KCNMA1: variants seen among roughly 807,000 people sequenced by gnomAD.
KCNMA1 encodes the protein potassium calcium-activated channel subfamily M alpha 1.
A neutral mutation model predicts 140.0 loss-of-function variants in KCNMA1; 29 were observed. The observed-to-expected ratio is 0.21, with a 90% CI of 0.15 to 0.28. The LOEUF is 0.28. KCNMA1 is among the 10% of genes least tolerant of loss of function. The pLI, the probability that KCNMA1 is intolerant of heterozygous loss-of-function variation, is 1.00. For synonymous variants in KCNMA1, 612 were observed against 611.9 expected (o/e 1.00, Z 0.00); for missense variants, 880 against 1,602.2 (o/e 0.55, Z 7.70).
intron 2 of KCNMA1, among the ~76,000 whole-genome samples, chr10:77,296,760 T>C (rs967258331): frequency 2.6e-5 from 4 of 151,996 alleles, no homozygotes; most frequent in African/African-American, 9.7e-5. Context: ...ATCACTATGC[T>C]CTTCACAGAA....
intron 1 of KCNMA1, among the ~76,000 whole-genome samples, chr10:77,595,544 C>T (rs2080651644): frequency 6.6e-6 from 1 of 152,094 alleles, no homozygotes; most frequent in East Asian, 1.9e-4. Flanking sequence ...CACCAAAATG[C>T]AGCTCCCATC....
chr10:77,429,794 T>A (rs555092650), intron 1 of KCNMA1, among the ~76,000 whole-genome samples: 21 of 152,112 alleles, frequency 1.4e-4, no homozygotes, highest in African/African-American at 5.1e-4. Context: ...TATGTTAATA[T>A]GTATCTATCA....
At chr10:77,012,566 A>T in intron 17 of KCNMA1, 1 of 1,549,304 alleles carries the variant, frequency 6.5e-7, no homozygotes, top group South Asian at 1.2e-5. Flanking sequence ...GTCTGCAGAG[A>T]GGGAAAAACG....
intron 24 of KCNMA1, 186 bp downstream of exon 24, chr10:76,914,750 A>G: frequency 3.6e-6 from 2 of 559,604 alleles, no homozygotes; most frequent in Non-Finnish European, 6.5e-6. Flanking sequence ...CAGAAGAAAG[A>G]TAGATCAGTT....
intron 14 of KCNMA1, among the ~76,000 whole-genome samples, chr10:77,041,175 T>A (rs796913268): frequency 0.15 from 456 of 3,130 alleles, 179 homozygotes; most frequent in African/African-American, 0.41. Context: ...TTTTTTTTTT[T>A]TTTTTTTGAG....
intron 20 of KCNMA1, 63 bp downstream of exon 20, chr10:76,969,910 GA>G: frequency 7.7e-7 from 1 of 1,299,200 alleles, no homozygotes; most frequent in Non-Finnish European, 1.1e-6. Context: ...AGGGTGAGGA[GA>G]GGGCGAGGGG....
intron 2 of KCNMA1, among the ~76,000 whole-genome samples, chr10:77,323,290 A>G (rs972618777): frequency 2.0e-5 from 3 of 152,210 alleles, no homozygotes; most frequent in Non-Finnish European, 4.4e-5. Context: ...TAAAGAAGCA[A>G]TAGGTCCCCT....
At chr10:77,065,871 G>A (rs2095919312) in intron 14 of KCNMA1, among the ~76,000 whole-genome samples, 2 of 152,130 alleles carry the variant, frequency 1.3e-5, no homozygotes, top group South Asian at 4.1e-4. Flanking sequence ...ATTAAGCAAA[G>A]ACAACAAGAG....
chr10:77,017,253 G>A (rs183190129), intron 17 of KCNMA1, among the ~76,000 whole-genome samples: 25 of 152,278 alleles, frequency 1.6e-4, no homozygotes, highest in Admixed American at 3.9e-4. Flanking sequence ...GGAGGTATAC[G>A]TGATATATGG....
downstream of KCNMA1, chr10:76,875,195 C>T (rs1034611087): frequency 2.0e-5 from 3 of 152,184 alleles, no homozygotes; most frequent in Non-Finnish European, 2.9e-5. Flanking sequence ...CCAGCTTTTG[C>T]CAAAGGGCCC....
At chr10:77,517,375 G>A (rs1443529860) in intron 1 of KCNMA1, among the ~76,000 whole-genome samples, 1 of 152,208 alleles carries the variant, frequency 6.6e-6, no homozygotes, top group Non-Finnish European at 1.5e-5. Context: ...TGGGCGTGGG[G>A]TCCCTGGAAT....
intron 2 of KCNMA1, among the ~76,000 whole-genome samples, chr10:77,390,334 A>G (rs2095769644): frequency 6.6e-6 from 1 of 152,202 alleles, no homozygotes; most frequent in African/African-American, 2.4e-5. Flanking sequence ...ATTGATCTCA[A>G]ACACTGTCAT....
At chr10:77,166,725 T>G (rs1207890790) in intron 5 of KCNMA1, among the ~76,000 whole-genome samples, 4 of 151,968 alleles carry the variant, frequency 2.6e-5, no homozygotes, top group Non-Finnish European at 4.4e-5. Context: ...ATTTTTGCCT[T>G]AATGTAGGAA....
intron 2 of KCNMA1, among the ~76,000 whole-genome samples, chr10:77,309,038 A>T (rs991359510): frequency 1.3e-5 from 2 of 152,154 alleles, no homozygotes; most frequent in African/African-American, 4.8e-5. Context: ...CCTTACCCAA[A>T]GGAGCCCGGC....
At position 77,635,215 on chromosome 10, in the gene KCNMA1, C is replaced by T. The variant is rs1296605397; in HGVS notation, c.378+2050G>A. 2.0e-5 allele frequency: 3 copies of T among 152,196 alleles called. 1 individual carries two copies. The highest frequency in any genetic ancestry group is 2.0e-4 in the Admixed American group (3 of 15,286). 9.4% of individuals were successfully genotyped at this position (152,196 alleles called of 1,614,324 possible). On this transcript the variant is annotated intron_variant, in intron 1 of 27. Transcript: ENST00000286628. Reference sequence around the variant, plus strand: ...ATGCTTGCTCATCATTTAGGAGATCCTTTGTGTGTGCGATGGGATTAGCAT... The same window carrying T: ...ATGCTTGCTCATCATTTAGGAGATCTTTTGTGTGTGCGATGGGATTAGCAT...
At chr10:77,541,674 G>T (rs1365955693) in intron 1 of KCNMA1, among the ~76,000 whole-genome samples, 1 of 152,144 alleles carries the variant, frequency 6.6e-6, no homozygotes, top group Non-Finnish European at 1.5e-5. Context: ...ATGGAGAATG[G>T]ATCATGAGTC....
At chr10:76,900,410 A>T (rs2044636231) in intron 25 of KCNMA1, among the ~76,000 whole-genome samples, 1 of 152,142 alleles carries the variant, frequency 6.6e-6, no homozygotes, top group Non-Finnish European at 1.5e-5. Flanking sequence ...AACTGTAAGT[A>T]GTACACAAAA....
chr10:76,960,819 G>A (rs1201904192), intron 20 of KCNMA1, among the ~76,000 whole-genome samples: 1 of 151,894 alleles, frequency 6.6e-6, no homozygotes, highest in Non-Finnish European at 1.5e-5. Context: ...TTTGAAGTCA[G>A]GCATTTACAT....
intron 1 of KCNMA1, among the ~76,000 whole-genome samples, chr10:77,633,090 G>A (rs1274151114): frequency 1.3e-5 from 2 of 152,336 alleles, no homozygotes; most frequent in African/African-American, 2.4e-5. Flanking sequence ...GCCAAGGTGG[G>A]CGAATCACAA....
Sources: gnomAD v4.1 joint callset for allele counts (sites outside exome capture counted in the v4.1 genomes callset) on GRCh38, gnomAD v4.1.1 for gene constraint, MANE v1.5 for transcripts, NCBI Gene and HGNC (gene_info 2026-07-23, HGNC 2026-07-21) for gene names.